The following EVA1C variants were observed in gnomAD, a reference collection of about 807,000 sequenced individuals.
EVA1C encodes the protein eva-1 homolog C.
A neutral mutation model predicts 45.4 loss-of-function variants in EVA1C; 25 were observed. The observed-to-expected ratio is 0.55, with a 90% confidence interval of 0.40 to 0.77. The LOEUF is 0.77. EVA1C is among the 30% of genes least tolerant of loss of function. EVA1C has a pLI of 0.00. For missense variants in EVA1C, 479 were observed against 554.8 expected, an observed-to-expected ratio of 0.86 and a Z score of 1.37; for synonymous variants, 190 against 221.2, an observed-to-expected ratio of 0.86 and a Z score of 1.25.
chr21:32,432,913 G>C (rs1321096705), intron 1 of EVA1C, among the ~76,000 whole-genome samples: 4 of 152,052 alleles, frequency 2.6e-5, no homozygotes. Flanking sequence ...TTAGTTTTCT[G>C]TAGAGACGAG....
chr21:32,439,626 T>C (rs1321734340), intron 1 of EVA1C, among the ~76,000 whole-genome samples: 1 of 152,106 alleles, frequency 6.6e-6, no homozygotes, highest in Non-Finnish European at 1.5e-5. Flanking sequence ...TAGATACAGC[T>C]GGTCACCCGA....
chr21:32,481,222 TC>T (rs2036773485), intron 4 of EVA1C, among the ~76,000 whole-genome samples: 1 of 152,120 alleles, frequency 6.6e-6, no homozygotes, highest in African/African-American at 2.4e-5. Flanking sequence ...AAGATAAATT[TC>T]ACAATTCAGA....
chr21:32,475,927 C>CTATCTATCTATCTATA (rs1568924705), intron 4 of EVA1C, among the ~76,000 whole-genome samples: 1 of 150,180 alleles, frequency 6.7e-6, no homozygotes, highest in African/African-American at 2.5e-5. Context: ...ATCTATCTAT[C>CTATCTATCTATCTATA]TATATAAACA....
intron 4 of EVA1C, among the ~76,000 whole-genome samples, chr21:32,477,011 C>T (rs1472004810): frequency 6.6e-6 from 1 of 152,136 alleles, no homozygotes; most frequent in Admixed American, 6.5e-5. Context: ...TTGAACAGAG[C>T]TTCCCAACCG....
At chr21:32,443,164 G>A (rs1054559308) in intron 1 of EVA1C, among the ~76,000 whole-genome samples, 5 of 152,260 alleles carry the variant, frequency 3.3e-5, no homozygotes, top group African/African-American at 1.2e-4. Context: ...AGCTGAGAGG[G>A]CTGGCCGCGA....
Position 32,504,004 on chromosome 21 carries a change from C to T in EVA1C, c.938C>T (p.Ala313Val). Residue 313 changes from alanine (A) to valine (V), a missense_variant, in exon 7 of 8, where the codon GCT becomes GTT. By Grantham distance (64) the Ala-to-Val change is moderately conservative. This residue lies in a region of EVA1C where 366 missense variants were observed against 426.1 expected (regional missense o/e 0.86). Transcript: ENST00000300255. ...GTTAGCAACTCTCTGGCAGCCTTTG[C>T]TTACATTAGAGGTAGGTCAATGAAT... ...ILVSNSLAAF[A>V]YIRAHPERAA... 6.2e-7 allele frequency: 1 copy of T among 1,609,168 alleles called. No individual in the cohort carries two copies.
At chr21:32,432,892 TTTTA>T (rs894798667) in intron 1 of EVA1C, among the ~76,000 whole-genome samples, 11 of 152,038 alleles carry the variant, frequency 7.2e-5, no homozygotes, top group Non-Finnish European at 1.3e-4. Context: ...GGCTGATTTA[TTTTA>T]TTTATTTTAG....
chr21:32,444,056 AC>A (rs2035276659), intron 1 of EVA1C, among the ~76,000 whole-genome samples: 4 of 57,252 alleles, frequency 7.0e-5, no homozygotes, highest in African/African-American at 1.7e-4. Context: ...GTGTGAAAAC[AC>A]ACACACACAC....
At chr21:32,504,571 A>T (rs1172174484) in intron 7 of EVA1C, among the ~76,000 whole-genome samples, 1 of 152,192 alleles carries the variant, frequency 6.6e-6, no homozygotes, top group Non-Finnish European at 1.5e-5. Context: ...GGACCTCTTC[A>T]TTGAGGGGAA....
rs116290114 is a variant in EVA1C, at chr21:32,489,630, G to A, written c.635-5397G>A. Among the ~76,000 whole-genome samples the A allele has an allele frequency of 6.2e-3, 945 of 152,222 alleles. 10 individuals carry two copies. The highest frequency in any genetic ancestry group is 0.022 in the African/African-American group (908 of 41,536). ...TTTCAGCATTGTTTTTTCTATTTCT[G>A]TGGAAAATGTCGTTGGAATTTTATA... On this transcript the variant is annotated intron_variant, in intron 4 of 7. Coordinates refer to ENST00000300255, the MANE Select transcript of EVA1C (RefSeq NM_058187.5).
chr21:32,502,129 C>T lies in EVA1C; in HGVS notation c.859+634C>T, dbSNP rs1186318447. ...TTTTTCTTCTTTTTCTTTGGAGTTTCGCTCTTGTCGCCCAGGCTGGAGTGC... is the reference window on the plus strand; with the variant it reads ...TTTTTCTTCTTTTTCTTTGGAGTTTTGCTCTTGTCGCCCAGGCTGGAGTGC... On this transcript the variant is annotated intron_variant, in intron 6 of 7. Transcript: ENST00000300255. Among the ~76,000 whole-genome samples the T allele has an allele frequency of 3.3e-5, 5 of 150,376 alleles. No individual in the cohort carries two copies. The East Asian group carries it at 7.8e-4, about 24-fold the overall frequency.
chr21:32,498,899 A>G (rs1470071145), intron 5 of EVA1C, among the ~76,000 whole-genome samples: 1 of 152,204 alleles, frequency 6.6e-6, no homozygotes, highest in East Asian at 1.9e-4. Flanking sequence ...CTCATTCGGA[A>G]CTAGTTTGAA....
rs761038352 is a variant in EVA1C at position 32,515,160 on chromosome 21, G to A, written c.1296G>A (p.Ser432=). ...EIWMNSGLDT[S]LPRNMGQFY Reference sequence around the variant, plus strand: ...GGATGAACAGTGGTTTGGACACCTCGCTCCCAAGAAACATGGGCCAGTTCT... The same window carrying A: ...GGATGAACAGTGGTTTGGACACCTCACTCCCAAGAAACATGGGCCAGTTCT... Residue 432 remains serine (S), a synonymous_variant, in exon 8 of 8, where the codon TCG becomes TCA. Coordinates refer to ENST00000300255, the MANE Select transcript of EVA1C (RefSeq NM_058187.5). The A allele has an allele frequency of 7.5e-6, 12 of 1,597,830 alleles. No homozygotes were observed. The highest frequency in any genetic ancestry group is 1.7e-4 in the Middle Eastern group (1 of 6,024).
At chr21:32,420,170 T>C (rs2034210393) in intron 1 of EVA1C, among the ~76,000 whole-genome samples, 2 of 117,898 alleles carry the variant, frequency 1.7e-5, no homozygotes, top group African/African-American at 6.7e-5. Flanking sequence ...TTAAAAAATT[T>C]TTACAGCCTG....
At chr21:32,483,138 G>A (rs1316572783) in intron 4 of EVA1C, among the ~76,000 whole-genome samples, 2 of 152,030 alleles carry the variant, frequency 1.3e-5, no homozygotes, top group Non-Finnish European at 2.9e-5. Context: ...GGATTACAGG[G>A]ATGAGCCACC....
intron 3 of EVA1C, 77 bp downstream of exon 3, chr21:32,457,797 G>A: frequency 6.4e-7 from 1 of 1,561,026 alleles, no homozygotes. Context: ...AAAATTCTCT[G>A]CCCGTTGGCA....
chr21:32,491,984 G>A (rs1440526790), intron 4 of EVA1C, among the ~76,000 whole-genome samples: 1 of 152,212 alleles, frequency 6.6e-6, no homozygotes, highest in Non-Finnish European at 1.5e-5. Flanking sequence ...ACTTGGGACT[G>A]AATGGAGTGT....
chr21:32,506,199 T>C (rs769846298), intron 7 of EVA1C, among the ~76,000 whole-genome samples: 6 of 149,544 alleles, frequency 4.0e-5, no homozygotes, highest in Non-Finnish European at 7.4e-5. Flanking sequence ...GTGGCTCAGC[T>C]CCACAGGGTC....
At chr21:32,411,798 G>C (rs1175752851), upstream of EVA1C, among the ~76,000 whole-genome samples, 2 of 152,202 alleles carry the variant, frequency 1.3e-5, no homozygotes, top group African/African-American at 4.8e-5. Context: ...GTCGCTGGGC[G>C]CCAGGTACCC....
Sources: allele counts gnomAD v4.1 joint callset (sites outside exome capture counted in the v4.1 genomes callset), GRCh38; gene constraint gnomAD v4.1.1; regional missense constraint gnomAD v4.1.1; transcripts MANE v1.5; gene names NCBI Gene and HGNC (gene_info 2026-07-23, HGNC 2026-07-21).